The following EVC variants were observed in gnomAD, a reference collection of about 807,000 sequenced individuals.
The protein encoded by EVC is EvC ciliary complex subunit 1.
Under a neutral mutation model 118.9 loss-of-function variants are expected in EVC, and 116 were observed. The observed-to-expected ratio is 0.98, with a 90% CI of 0.84 to 1.14. The LOEUF (loss-of-function observed/expected upper bound fraction) is 1.14. Ranked by LOEUF, EVC falls within the 50% of genes most tolerant of loss-of-function variation. The pLI is 0.00. For synonymous variants in EVC, 619 were observed against 534.7 expected, an observed-to-expected ratio of 1.16 and a Z score of -2.18; for missense variants, 1,401 against 1,246.4, an observed-to-expected ratio of 1.12 and a Z score of -1.87.
At chr4:5,718,526 G>A (rs1724365597) in intron 1 of EVC, among the ~76,000 whole-genome samples, 1 of 151,782 alleles carries the variant, frequency 6.6e-6, no homozygotes, top group South Asian at 2.1e-4. Context: ...TGCAAAAACT[G>A]TGCTACTAGA....
intron 11 of EVC, among the ~76,000 whole-genome samples, chr4:5,781,828 T>TCAAAA (rs1735642869): frequency 6.6e-6 from 1 of 152,028 alleles, no homozygotes; most frequent in South Asian, 2.1e-4. Context: ...AGATCCTGTC[T>TCAAAA]CAAAACAAAA....
chr4:5,825,083 CTGCAG>C, the EVC span: 1 of 985,404 alleles, frequency 1.0e-6, no homozygotes, highest in Non-Finnish European at 1.2e-6. This position sits in a 1 kb window ranked among gnomAD's most constrained non-coding sequence, Gnocchi z 4.4. Flanking sequence ...GCTTAGTACA[CTGCAG>C]TGGGTGAACA....
chr4:5,760,436 A>T (rs114675026), intron 11 of EVC, among the ~76,000 whole-genome samples: 3,453 of 152,178 alleles, frequency 0.023, 173 homozygotes, highest in African/African-American at 0.079. Flanking sequence ...GAGGGGTGAT[A>T]CCTGCTGGAG....
In EVC at chr4:5,742,646, C is replaced by G. The variant is rs1728787057; in HGVS notation, c.801+832C>G. Among the ~76,000 whole-genome samples, 1 of 152,128 alleles carries G rather than the reference C, an allele frequency of 6.6e-6. No individual in the cohort carries two copies. Among genetic ancestry groups the G allele is most frequent in the Non-Finnish European group, 1.5e-5 (1 of 68,022 alleles). ...CATCACCATCCTCATGTCCTCATTA[C>G]CATCATCATGAGCATCATTTTTATC... On this transcript the variant is annotated intron_variant, in intron 6 of 20. Transcript: ENST00000264956. The surrounding 1 kb of genome is among the most constrained non-coding windows in gnomAD (Gnocchi z 5.2).
chr4:5,767,623 T>C (rs564743689), intron 11 of EVC, among the ~76,000 whole-genome samples: 96 of 151,918 alleles, frequency 6.3e-4, no homozygotes, highest in African/African-American at 2.3e-3. Context: ...TTTAAGCCCG[T>C]CGGAAAAGCA....
chr4:5,720,856 A>G (rs1560277133), intron 2 of EVC, among the ~76,000 whole-genome samples: 1 of 150,586 alleles, frequency 6.6e-6, no homozygotes, highest in South Asian at 2.1e-4. Context: ...TGAACAGGTA[A>G]GACATTACTA....
chr4:5,817,783 G>A (rs527950728), downstream of EVC, among the ~76,000 whole-genome samples: 1 of 152,322 alleles, frequency 6.6e-6, no homozygotes, highest in African/African-American at 2.4e-5. Flanking sequence ...CCCAGGATAA[G>A]GGTAGCACCT....
At chr4:5,726,612 G>T in intron 2 of EVC, among the ~76,000 whole-genome samples, 1 of 137,136 alleles carries the variant, frequency 7.3e-6, no homozygotes, top group Non-Finnish European at 1.5e-5. Context: ...GGGTACATGT[G>T]CACATTGTGC....
intron 1 of EVC, among the ~76,000 whole-genome samples, 196 bp downstream of exon 1, chr4:5,711,750 C>T (rs1723065756): frequency 6.6e-6 from 1 of 152,212 alleles, no homozygotes; most frequent in Non-Finnish European, 1.5e-5. Flanking sequence ...GGCCTGGGGT[C>T]CCCTGCGGTG....
intron 13 of EVC, among the ~76,000 whole-genome samples, chr4:5,795,700 G>A (rs773567279): frequency 6.6e-6 from 1 of 152,156 alleles, no homozygotes; most frequent in East Asian, 1.9e-4. Flanking sequence ...AAGTAGGCTC[G>A]GACCAGGGAC....
downstream of EVC, among the ~76,000 whole-genome samples, chr4:5,816,678 C>CCTCCCTCCCTTCCCTTCTCCCCTCT (rs1433984071): frequency 6.8e-6 from 1 of 146,154 alleles, no homozygotes; most frequent in Admixed American, 6.8e-5. Context: ...CTCTCCCTTC[C>CCTCCCTCCCTTCCCTTCTCCCCTCT]CTCCCTCCCT....
downstream of EVC, among the ~76,000 whole-genome samples, chr4:5,817,496 A>G (rs928481523): frequency 2.0e-5 from 3 of 152,226 alleles, no homozygotes; most frequent in Non-Finnish European, 2.9e-5. Flanking sequence ...CTCTGAAGCC[A>G]GGTGCACCAG....
At chr4:5,759,164 C>T (rs1466202967) in intron 11 of EVC, among the ~76,000 whole-genome samples, 2 of 152,086 alleles carry the variant, frequency 1.3e-5, no homozygotes, top group Non-Finnish European at 2.9e-5. Flanking sequence ...AGTCTCCGTC[C>T]AAAGGTGTGT....
the EVC span, chr4:5,821,605 A>T: frequency 1.4e-6 from 1 of 718,288 alleles, no homozygotes; most frequent in Non-Finnish European, 2.3e-6. The surrounding 1 kb of genome is among the most constrained non-coding windows in gnomAD (Gnocchi z 4.4). Flanking sequence ...CACTAGTACC[A>T]CTTCTTCCTA....
At chr4:5,728,662 CTG>C (rs1373205397) in intron 2 of EVC, among the ~76,000 whole-genome samples, 1 of 152,188 alleles carries the variant, frequency 6.6e-6, no homozygotes, top group Non-Finnish European at 1.5e-5. Context: ...TCTGGGAAGA[CTG>C]AGGTTCAGAG....
rs77524226 is a variant in EVC at position 5,755,227 on chromosome 4, C to T, written c.1465-1037C>T. ...TATTTGGATATTTCTGGGCCCCTGT[C>T]CTTGATGTCACAGAGCCCAGTGTGA... On this transcript the variant is annotated intron_variant, in intron 10 of 20. Transcript: ENST00000264956. The surrounding 1 kb of genome is among the most constrained non-coding windows in gnomAD (Gnocchi z 4.1). 1.2e-3 allele frequency among the ~76,000 whole-genome samples: 186 copies of T among 152,250 alleles called. 4 individuals are homozygous for T. The East Asian group carries it at 0.034, about 28-fold the overall frequency.
rs140605934 is a variant in EVC at position 5,785,515 on chromosome 4, C to T, written c.1776+1751C>T. Among the ~76,000 whole-genome samples, 675 of 152,328 alleles carry T rather than the reference C, an allele frequency of 4.4e-3. 1 individual carries two copies. The highest frequency in any genetic ancestry group is 0.017 in the Middle Eastern group (5 of 294). On this transcript the variant is annotated intron_variant, in intron 12 of 20. Coordinates refer to ENST00000264956, the MANE Select transcript of EVC (RefSeq NM_153717.3). ...AGGAGAGCGTTATGCAAACACATGA[C>T]CACTCACAGCTGTGGGGACAGGCAC...
Position 5,798,278 on chromosome 4 carries a change from T to C in EVC, c.2098-308T>C, listed in dbSNP as rs1714340224. On this transcript the variant is annotated intron_variant, in intron 14 of 20. Coordinates refer to ENST00000264956, the MANE Select transcript of EVC (RefSeq NM_153717.3). This position sits in a 1 kb window ranked among gnomAD's most constrained non-coding sequence, Gnocchi z 4.1. Reference sequence around the variant, plus strand: ...TGAGCCTTCGTGTCCTCCTCAGTGCTAGTGTTCAGGTCTCATGATGTTCTA... The same window carrying C: ...TGAGCCTTCGTGTCCTCCTCAGTGCCAGTGTTCAGGTCTCATGATGTTCTA... Among the ~76,000 whole-genome samples, 1 of 152,152 alleles carries C rather than the reference T, an allele frequency of 6.6e-6. No individual in the cohort carries two copies. The highest frequency in any genetic ancestry group is 2.1e-4 in the South Asian group (1 of 4,824).
intron 11 of EVC, among the ~76,000 whole-genome samples, chr4:5,767,313 C>G (rs1369394088): frequency 5.4e-4 from 78 of 144,928 alleles, no homozygotes; most frequent in African/African-American, 1.9e-3. Flanking sequence ...AGCTGTCAGA[C>G]AGGGACATTT....
Sources: allele counts gnomAD v4.1 joint callset (sites outside exome capture counted in the v4.1 genomes callset), GRCh38; gene constraint gnomAD v4.1.1; non-coding constraint Gnocchi (gnomAD v3.1); transcripts MANE v1.5; gene names NCBI Gene and HGNC (gene_info 2026-07-23, HGNC 2026-07-21).